POMK: variants seen among roughly 807,000 people sequenced by gnomAD.
POMK encodes protein O-mannose kinase.
A neutral mutation model predicts 23.0 loss-of-function variants in POMK; 19 were observed. The ratio of observed to expected loss-of-function variants is 0.83; its 90% CI spans 0.58 to 1.21. The LOEUF is 1.21. Ranked by LOEUF, POMK falls within the 50% of genes most tolerant of loss-of-function variation. The pLI is 0.00. For missense variants in POMK, 410 were observed against 431.3 expected, an observed-to-expected ratio of 0.95 and a Z score of 0.44; for synonymous variants, 173 against 171.6, an observed-to-expected ratio of 1.01 and a Z score of -0.06.
Position 43,122,465 on chromosome 8 carries a change from A to T in POMK, c.641A>T (p.Gln214Leu), listed in dbSNP as rs1250212576. Residue 214 changes from glutamine to leucine, a missense_variant, in exon 5 of 5, where the codon CAG (glutamine) becomes CTG (leucine). Coordinates refer to ENST00000331373, the MANE Select transcript of POMK (RefSeq NM_032237.5). The part of the protein sequence containing the change: ...DSNDLPKTLS[Q>L]YLLTSNFSIL... ...AACGACCTGCCGAAGACACTGTCCC[A>T]GTATCTGCTAACAAGCAACTTCAGC... is the stretch of plus-strand genomic sequence containing the variant. 4 of 1,614,046 alleles carry T rather than the reference A, an allele frequency of 2.5e-6. No homozygotes were observed. The highest frequency in any genetic ancestry group is 1.6e-4 in the Middle Eastern group (1 of 6,084).
At chr8:43,104,815 G>A (rs538288556) in intron 4 of POMK, among the ~76,000 whole-genome samples, 3 of 152,118 alleles carry the variant, frequency 2.0e-5, no homozygotes, top group Admixed American at 6.5e-5. Context: ...ATAATGGTGC[G>A]CACTACTTGG....
rs141087688 is a variant in POMK, at chr8:43,110,657, C to T, written c.282+6827C>T. On this transcript the variant is annotated intron_variant, in intron 4 of 4. Transcript: ENST00000331373. ...TCTTGGCTGGGCGTGGTGGCTCACG[C>T]CTATAATCCCAGCACTTTGGGAGGC... Among the ~76,000 whole-genome samples, 479 of 152,290 alleles carry T rather than the reference C, an allele frequency of 3.1e-3. 3 individuals carry two copies. The highest frequency in any genetic ancestry group is 0.011 in the African/African-American group (458 of 41,556).
At chr8:43,113,881 A>T (rs1207999976) in intron 4 of POMK, among the ~76,000 whole-genome samples, 2 of 152,252 alleles carry the variant, frequency 1.3e-5, no homozygotes, top group East Asian at 3.9e-4. Flanking sequence ...TCCACTCCAG[A>T]CCCTGTTTGC....
At chr8:43,118,844 C>T (rs1037364647) in intron 4 of POMK, among the ~76,000 whole-genome samples, 1 of 152,154 alleles carries the variant, frequency 6.6e-6, no homozygotes, top group African/African-American at 2.4e-5. Flanking sequence ...CGCTCTGTTG[C>T]CCAGGCTGGA....
intron 1 of POMK, among the ~76,000 whole-genome samples, chr8:43,094,854 G>C (rs1811300680): frequency 6.6e-6 from 1 of 152,126 alleles, no homozygotes; most frequent in African/African-American, 2.4e-5. Flanking sequence ...TTTCAGTCGT[G>C]CCTGAATTTC....
At position 43,103,591 on chromosome 8, in the gene POMK, C is replaced by CG; in HGVS notation, c.44dup (p.Glu16ArgfsTer84). The CG allele has an allele frequency of 1.2e-6, 2 of 1,614,160 alleles. No individual in the cohort carries two copies. The highest frequency in any genetic ancestry group is 1.7e-5 in the Admixed American group (1 of 60,020). ...GAACAGCAGGAGAGGCCTCGCCCCC[C>CG]GAGAGGTGCCGCCAGCTGTTGGGCT... On this transcript the variant is annotated frameshift_variant, in exon 4 of 5. Transcript: ENST00000331373. LOFTEE classifies it high-confidence loss of function.
chr8:43,100,879 C>T lies in POMK; in HGVS notation c.-117-1626C>T, dbSNP rs528144966. Among the ~76,000 whole-genome samples the T allele has an allele frequency of 5.3e-5, 8 of 151,994 alleles. No homozygotes were observed. In the South Asian group the frequency reaches 1.0e-3, roughly 20 times the overall value. On this transcript the variant is annotated intron_variant, in intron 2 of 4. Transcript: ENST00000331373. ...TGAGGTGCACGTGTGTCCCTGAGCA[C>T]GAGGACACTCTAGGAAGGGGCAGCC...
At chr8:43,108,252 G>A (rs1348817365) in intron 4 of POMK, among the ~76,000 whole-genome samples, 1 of 152,050 alleles carries the variant, frequency 6.6e-6, no homozygotes, top group Admixed American at 6.6e-5. Context: ...TTTTCCCAAG[G>A]GCTTTTACTG....
intron 1 of POMK, among the ~76,000 whole-genome samples, chr8:43,094,509 T>TA (rs1811293497): frequency 6.6e-6 from 1 of 152,238 alleles, no homozygotes; most frequent in Non-Finnish European, 1.5e-5. Context: ...CTCTTTTTTT[T>TA]AGAAAGCAAA....
intron 4 of POMK, among the ~76,000 whole-genome samples, chr8:43,106,055 C>T (rs1023499776): frequency 2.0e-5 from 3 of 152,176 alleles, no homozygotes; most frequent in African/African-American, 7.2e-5. Flanking sequence ...TTGTAATTTT[C>T]TGCGGAACCT....
At chr8:43,105,678 T>C (rs1811530929) in intron 4 of POMK, among the ~76,000 whole-genome samples, 1 of 152,206 alleles carries the variant, frequency 6.6e-6, no homozygotes, top group African/African-American at 2.4e-5. Context: ...TGTTGTTGTT[T>C]TTTGAGACGG....
intron 4 of POMK, among the ~76,000 whole-genome samples, chr8:43,115,661 T>G (rs1325146388): frequency 6.6e-6 from 1 of 152,218 alleles, no homozygotes; most frequent in African/African-American, 2.4e-5. Flanking sequence ...ATGGTCTTTC[T>G]GCTTCACACT....
At chr8:43,120,487 C>T (rs998624643) in intron 4 of POMK, among the ~76,000 whole-genome samples, 1 of 151,636 alleles carries the variant, frequency 6.6e-6, no homozygotes. Flanking sequence ...TCCAAAAGTG[C>T]TGGGATTATA....
At chr8:43,094,536 G>T (rs1435202872) in intron 1 of POMK, among the ~76,000 whole-genome samples, 1 of 152,114 alleles carries the variant, frequency 6.6e-6, no homozygotes, top group Non-Finnish European at 1.5e-5. Flanking sequence ...CTGTTTTGTT[G>T]CATAATCTTG....
In POMK at chr8:43,103,813, G is replaced by A. The variant is rs925752217; in HGVS notation, c.265G>A (p.Glu89Lys). The change falls in exon 4 of 5, where the codon GAA becomes AAA. Residue 89 changes from glutamate to lysine, a missense_variant. Glu to Lys is a moderately conservative substitution (Grantham distance 56). Coordinates refer to ENST00000331373, the MANE Select transcript of POMK (RefSeq NM_032237.5). ...TEVRQLKRVG[E>K]GAVKRVFLSE... ...AGTGAGACAGCTGAAGCGTGTTGGG[G>A]AAGGAGCTGTAAAGAGAGTGAGTCC... The A allele has an allele frequency of 1.2e-6, 2 of 1,614,200 alleles. No homozygotes were observed. Among genetic ancestry groups the A allele is most frequent in the Non-Finnish European group, 1.7e-6 (2 of 1,180,030 alleles).
intron 4 of POMK, among the ~76,000 whole-genome samples, chr8:43,107,468 G>A (rs1022511455): frequency 2.0e-5 from 3 of 151,994 alleles, no homozygotes; most frequent in African/African-American, 7.3e-5. Flanking sequence ...TCCGCCTCCC[G>A]GGTTCAAGCA....
intron 4 of POMK, among the ~76,000 whole-genome samples, chr8:43,110,669 G>A (rs1000361188): frequency 1.3e-5 from 2 of 152,282 alleles, no homozygotes; most frequent in African/African-American, 4.8e-5. Context: ...TATAATCCCA[G>A]CACTTTGGGA....
At position 43,123,179 on chromosome 8, in the gene POMK, C is replaced by G. The variant is rs1811960741; in HGVS notation, c.*302C>G. ...TCAAGCAATTCTCCCACCTCAGCCT[C>G]CTGAGTAGCTGGGATTACAGGCACA... On this transcript the variant is annotated 3_prime_UTR_variant, in exon 5 of 5. Coordinates refer to ENST00000331373, the MANE Select transcript of POMK (RefSeq NM_032237.5). 4.0e-6 allele frequency: 1 copy of G among 247,330 alleles called. No individual in the cohort carries two copies. Among genetic ancestry groups the G allele is most frequent in the African/African-American group, 2.3e-5 (1 of 43,906 alleles). The allele number at this position is 247,330 out of a possible 1,614,324, so 15.3% of individuals were successfully genotyped here. A position where few individuals can be genotyped will look rare whatever the true frequency, so the allele number is the denominator to read the frequency against.
chr8:43,112,604 C>T (rs1483848493), intron 4 of POMK, among the ~76,000 whole-genome samples: 2 of 152,048 alleles, frequency 1.3e-5, no homozygotes, highest in Non-Finnish European at 2.9e-5. Flanking sequence ...CTCCAAGACA[C>T]ATAATTGTCA....
Sources: gnomAD v4.1 joint callset for allele counts (sites outside exome capture counted in the v4.1 genomes callset) on GRCh38, gnomAD v4.1.1 for gene constraint, MANE v1.5 for transcripts, NCBI Gene and HGNC (gene_info 2026-07-23, HGNC 2026-07-21) for gene names.